The following RGS12 variants were observed in gnomAD, a reference collection of about 807,000 sequenced individuals.
RGS12 encodes the protein regulator of G protein signaling 12.
In RGS12, 66 loss-of-function variants were observed where a neutral mutation model predicts 120.1. That is an observed-to-expected ratio of 0.55 (90% CI 0.45 to 0.67). RGS12 has a LOEUF of 0.67. RGS12 is among the 30% of genes least tolerant of loss of function. The pLI is 0.00. For synonymous variants in RGS12, 827 were observed against 804.7 expected (o/e 1.03, Z -0.47); for missense variants, 1,859 against 1,957.7 (o/e 0.95, Z 0.95).
intron 3 of RGS12, among the ~76,000 whole-genome samples, chr4:3,345,947 G>A (rs1277337624): frequency 4.6e-5 from 7 of 152,024 alleles, no homozygotes; most frequent in Non-Finnish European, 8.8e-5. Flanking sequence ...TGTGGAGAAT[G>A]GGGTTTCTCA....
chr4:3,380,271 G>T (rs1223418749), intron 3 of RGS12, among the ~76,000 whole-genome samples: 2 of 152,248 alleles, frequency 1.3e-5, no homozygotes, highest in Non-Finnish European at 2.9e-5. Flanking sequence ...ACGGCCTTGG[G>T]CATCTCTGCC....
chr4:3,395,946 A>G (rs1359272523), intron 4 of RGS12, among the ~76,000 whole-genome samples: 1 of 152,242 alleles, frequency 6.6e-6, no homozygotes, highest in Admixed American at 6.5e-5. Context: ...GCGTTTGCAT[A>G]TAACCTACCC....
At position 3,428,775 on chromosome 4, in the gene RGS12, A is replaced by G; in HGVS notation, c.3565+64A>G. 2.1e-6 allele frequency: 3 copies of G among 1,397,464 alleles called. No homozygotes were observed. In the South Asian group the frequency reaches 4.1e-5, roughly 19 times the overall value. The allele number at this position is 1,397,464 out of a possible 1,614,324, so 86.6% of individuals were successfully genotyped here. ...TGCACAGTTAGTTTCCAGTATAGTC[A>G]GTAGATCTGCTTTGAGCTGTCAGCA... On this transcript the variant is annotated intron_variant, in intron 16 of 17. Coordinates refer to ENST00000336727, the MANE Select transcript of RGS12 (RefSeq NM_001394154.1).
rs531065271 is a variant in RGS12 at position 3,374,470 on chromosome 4, C to T, written c.1999-11946C>T. Among the ~76,000 whole-genome samples, 78 of 152,194 alleles carry T rather than the reference C, an allele frequency of 5.1e-4. 1 individual carries two copies. In the South Asian group the frequency reaches 0.013, roughly 26 times the overall value. On this transcript the variant is annotated intron_variant, in intron 3 of 17. Transcript: ENST00000336727. This position sits in a 1 kb window ranked among gnomAD's most constrained non-coding sequence, Gnocchi z 6.3. Reference sequence around the variant, plus strand: ...CAGCAGACACTTCTGCCCTGGGCCCCGGTCTCAGTGACAGGTCCACATCTT... The same window carrying T: ...CAGCAGACACTTCTGCCCTGGGCCCTGGTCTCAGTGACAGGTCCACATCTT...
chr4:3,388,987 T>G (rs1719164087), intron 4 of RGS12, among the ~76,000 whole-genome samples: 1 of 152,186 alleles, frequency 6.6e-6, no homozygotes, highest in Non-Finnish European at 1.5e-5. Flanking sequence ...CCTGTCTAGT[T>G]TTGGTGATTA....
chr4:3,363,254 AATT>A (rs1395859753), intron 3 of RGS12, among the ~76,000 whole-genome samples: 3 of 152,114 alleles, frequency 2.0e-5, no homozygotes, highest in Non-Finnish European at 4.4e-5. Context: ...GTGTTTTTGG[AATT>A]ATTTCTGCAA....
In RGS12 at chr4:3,372,493, G is replaced by A. The variant is rs904720296; in HGVS notation, c.1999-13923G>A. On this transcript the variant is annotated intron_variant, in intron 3 of 17. Transcript: ENST00000336727. This position sits in a 1 kb window ranked among gnomAD's most constrained non-coding sequence, Gnocchi z 4.3. ...AGCCGCCCGAGCTGTTGGCTTCCCC[G>A]ATGTTCCCCCTGTGCTCGAGCTAGG... Among the ~76,000 whole-genome samples the A allele has an allele frequency of 2.6e-5, 4 of 152,346 alleles. No individual in the cohort carries two copies. The highest frequency in any genetic ancestry group is 3.9e-4 in the East Asian group (2 of 5,184).
At chr4:3,398,737 GA>G (rs545652270) in intron 4 of RGS12, among the ~76,000 whole-genome samples, 262 of 143,854 alleles carry the variant, frequency 1.8e-3, no homozygotes, top group Non-Finnish European at 2.7e-3. Context: ...AGATCAAGCT[GA>G]AAAAAAAAAA....
chr4:3,365,789 T>G lies in RGS12; in HGVS notation c.1999-20627T>G, dbSNP rs899406715. 3.3e-5 allele frequency among the ~76,000 whole-genome samples: 5 copies of G among 152,204 alleles called. No individual in the cohort carries two copies. Among genetic ancestry groups the G allele is most frequent in the Non-Finnish European group, 5.9e-5 (4 of 68,042 alleles). On this transcript the variant is annotated intron_variant, in intron 3 of 17. Transcript: ENST00000336727. The surrounding 1 kb of genome is among the most constrained non-coding windows in gnomAD (Gnocchi z 4.0). The stretch of plus-strand genomic sequence containing the variant: ...TTGGTCTTTCACACACCAGTCTGCT[T>G]TTTAAACCCATTATATGGGAAATTT...
At chr4:3,411,774 G>A (rs1560157673) in intron 4 of RGS12, among the ~76,000 whole-genome samples, 1 of 152,290 alleles carries the variant, frequency 6.6e-6, no homozygotes, top group African/African-American at 2.4e-5. Flanking sequence ...ACATGGGGGG[G>A]AGTCTTGGAT....
At chr4:3,413,740 TTTG>T (rs1216559690) in intron 4 of RGS12, 10 of 252,146 alleles carry the variant, frequency 4.0e-5, no homozygotes, top group Admixed American at 1.6e-4. Flanking sequence ...GTGGCTGTAG[TTTG>T]TTGTTGCTTG....
rs757269868 is a variant in RGS12, at chr4:3,430,580, A to C, written c.3739A>C (p.Thr1247Pro). The change falls in exon 17 of 18, where the codon ACA becomes CCA. Residue 1247 changes from threonine to proline, a missense_variant. By Grantham distance (38) the Thr-to-Pro change is conservative (BLOSUM62 -1). Transcript: ENST00000336727. ...VAKGFSKRSA[T>P]GNGRESASQP... Reference sequence around the variant, plus strand: ...CAAGGGCTTTAGCAAGAGAAGCGCCACAGGCAACGGCCGGGAGAGCGCCTC... The same window carrying C: ...CAAGGGCTTTAGCAAGAGAAGCGCCCCAGGCAACGGCCGGGAGAGCGCCTC... 3.1e-6 allele frequency: 5 copies of C among 1,612,782 alleles called. No homozygotes were observed. Among genetic ancestry groups the C allele is most frequent in the Non-Finnish European group, 4.2e-6 (5 of 1,179,930 alleles).
intron 17 of RGS12, among the ~76,000 whole-genome samples, chr4:3,434,018 C>A (rs1017326443): frequency 2.6e-5 from 4 of 152,234 alleles, no homozygotes; most frequent in Non-Finnish European, 4.4e-5. Flanking sequence ...CAGAGGTGTG[C>A]ATGTGTCCAC....
chr4:3,407,075 C>T (rs778760027), intron 4 of RGS12, among the ~76,000 whole-genome samples: 1 of 152,154 alleles, frequency 6.6e-6, no homozygotes, highest in African/African-American at 2.4e-5. Context: ...ATACAAAAAG[C>T]CTACAAGTAC....
intron 3 of RGS12, among the ~76,000 whole-genome samples, chr4:3,367,390 C>T (rs777783000): frequency 4.6e-5 from 7 of 152,280 alleles, no homozygotes; most frequent in Non-Finnish European, 7.3e-5. Context: ...CGGGTGCTCC[C>T]GCCTTGCGGT....
chr4:3,416,388 C>T (rs1056488646), intron 7 of RGS12, among the ~76,000 whole-genome samples: 36 of 152,188 alleles, frequency 2.4e-4, no homozygotes, highest in Admixed American at 1.9e-3. Context: ...GCTCATGTTT[C>T]GATCCTGTGC....
At chr4:3,436,858 C>T (rs553106043) in intron 17 of RGS12, among the ~76,000 whole-genome samples, 21 of 152,156 alleles carry the variant, frequency 1.4e-4, no homozygotes, top group African/African-American at 5.1e-4. Context: ...CAGTCGGAGC[C>T]GGCAGGACCA....
intron 3 of RGS12, among the ~76,000 whole-genome samples, chr4:3,377,552 A>T (rs1302241363): frequency 6.6e-6 from 1 of 152,234 alleles, no homozygotes; most frequent in African/African-American, 2.4e-5. Context: ...AATGTATATT[A>T]CAGTATATTA....
chr4:3,300,727 C>T (rs1190141565), intron 1 of RGS12, among the ~76,000 whole-genome samples: 2 of 152,212 alleles, frequency 1.3e-5, no homozygotes, highest in Non-Finnish European at 2.9e-5. Flanking sequence ...GCCTCTGTCC[C>T]CATGTGGCAT....
Sources: allele counts gnomAD v4.1 joint callset (sites outside exome capture counted in the v4.1 genomes callset), GRCh38; gene constraint gnomAD v4.1.1; non-coding constraint Gnocchi (gnomAD v3.1); transcripts MANE v1.5; gene names NCBI Gene and HGNC (gene_info 2026-07-23, HGNC 2026-07-21).